Variants in VPS53 observed in about 807,000 individuals in gnomAD.
The protein encoded by VPS53 is VPS53 subunit of GARP complex.
VPS53 carries 70 observed loss-of-function variants against 107.0 expected under a neutral mutation model. That is an observed-to-expected ratio of 0.65 (90% CI 0.54 to 0.80). VPS53 has a LOEUF of 0.80. Among genes scored for constraint, VPS53 ranks in the 30% least tolerant of loss-of-function variants. VPS53 has a pLI of 0.00. For missense variants in VPS53, 917 were observed against 1,049.4 expected (o/e 0.87, Z 1.74); for synonymous variants, 409 against 393.3 (o/e 1.04, Z -0.47).
intron 11 of VPS53, among the ~76,000 whole-genome samples, chr17:617,208 T>G (rs914562383): frequency 6.6e-6 from 1 of 152,186 alleles, no homozygotes; most frequent in Non-Finnish European, 1.5e-5. Flanking sequence ...TGAACCCTCA[T>G]GCTTGTCGCC....
chr17:571,063 A>G (rs1224898656), intron 13 of VPS53, among the ~76,000 whole-genome samples: 2 of 152,140 alleles, frequency 1.3e-5, no homozygotes, highest in Admixed American at 6.5e-5. Context: ...TCACGTCTGT[A>G]ATCTCAACAC....
chr17:586,264 A>G lies in VPS53; in HGVS notation c.1313+6T>C. On this transcript the variant is annotated splice_donor_region_variant and intron_variant, in intron 13 of 21. Coordinates refer to ENST00000437048, the MANE Select transcript of VPS53 (RefSeq NM_001128159.3). ...AGGCAGAAAACAGCGAATGTTCCTC[A>G]CTCACTTGTCTTGGGATTCGATATA... 1 of 1,613,270 alleles carries G rather than the reference A, an allele frequency of 6.2e-7. No homozygotes were observed. The highest frequency in any genetic ancestry group is 8.5e-7 in the Non-Finnish European group (1 of 1,179,344).
Position 520,468 on chromosome 17 carries a change from C to G in VPS53, c.2224-538G>C, listed in dbSNP as rs963884373. 6.6e-6 allele frequency among the ~76,000 whole-genome samples: 1 copy of G among 152,204 alleles called. No homozygotes were observed. The highest frequency in any genetic ancestry group is 2.4e-5 in the African/African-American group (1 of 41,458). On this transcript the variant is annotated intron_variant, in intron 20 of 21. Transcript: ENST00000437048. This position sits in a 1 kb window ranked among gnomAD's most constrained non-coding sequence, Gnocchi z 4.4. ...TTCTGCAAAAACAAAAATGCCAAAGCTGCCTCACCTTTTGGAGACTTAAAA... is the reference window on the plus strand; with the variant it reads ...TTCTGCAAAAACAAAAATGCCAAAGGTGCCTCACCTTTTGGAGACTTAAAA...
At chr17:664,474 A>G (rs1971596626) in intron 4 of VPS53, among the ~76,000 whole-genome samples, 2 of 152,202 alleles carry the variant, frequency 1.3e-5, no homozygotes, top group Non-Finnish European at 2.9e-5. Context: ...GACAGACAGT[A>G]GGTGGTAGTG....
intron 19 of VPS53, among the ~76,000 whole-genome samples, chr17:529,571 A>T (rs1013442446): frequency 1.3e-5 from 2 of 152,232 alleles, no homozygotes; most frequent in Non-Finnish European, 2.9e-5. Context: ...GAGCAGGCTC[A>T]GAAAGACTCC....
intron 4 of VPS53, among the ~76,000 whole-genome samples, chr17:685,737 C>T (rs1472722633): frequency 6.6e-6 from 1 of 152,058 alleles, no homozygotes; most frequent in African/African-American, 2.4e-5. Flanking sequence ...TGGTGGCTTG[C>T]ACCTGTAATT....
At chr17:669,592 T>TAAAAAAA (rs200157618) in intron 4 of VPS53, among the ~76,000 whole-genome samples, 25 of 110,266 alleles carry the variant, frequency 2.3e-4, no homozygotes, top group South Asian at 7.1e-4. Context: ...TACTCTGTCT[T>TAAAAAAA]AAAAAAAAAA....
Position 560,362 on chromosome 17 carries a change from C to T in VPS53, c.1704+64G>A, listed in dbSNP as rs372695394. On this transcript the variant is annotated intron_variant, in intron 15 of 21. Coordinates refer to ENST00000437048, the MANE Select transcript of VPS53 (RefSeq NM_001128159.3). ...TGTTAGGACGTATATTCTTACTCGCCGAGCGACGCAGCCCAGAGGGTTCAG... is the reference window on the plus strand; with the variant it reads ...TGTTAGGACGTATATTCTTACTCGCTGAGCGACGCAGCCCAGAGGGTTCAG... 55 of 1,542,280 alleles carry T rather than the reference C, an allele frequency of 3.6e-5. No individual in the cohort carries two copies. The East Asian group carries it at 6.7e-4, about 19-fold the overall frequency.
At chr17:550,299 G>A (rs1287631263) in intron 17 of VPS53, among the ~76,000 whole-genome samples, 3 of 152,194 alleles carry the variant, frequency 2.0e-5, no homozygotes, top group Admixed American at 6.5e-5. Context: ...GTACTGGCCA[G>A]TATAACCTAG....
chr17:546,329 TCA>T (rs71371545), intron 17 of VPS53, among the ~76,000 whole-genome samples: 5,505 of 131,862 alleles, frequency 0.042, 123 homozygotes, highest in East Asian at 0.11. Context: ...CTTAGATATC[TCA>T]CACACACACA....
chr17:562,562 G>A lies in VPS53; in HGVS notation c.1497C>T (p.Thr499=). 1 of 1,614,044 alleles carries A rather than the reference G, an allele frequency of 6.2e-7. No individual in the cohort carries two copies. Among genetic ancestry groups the A allele is most frequent in the Non-Finnish European group, 8.5e-7 (1 of 1,180,002 alleles). ...STGEPMIALT[T]IFQKYLREYA... ...ATTCTCGGAGGTACTTCTGGAAAAT[G>A]GTGGTCAGGGCGATCATGGGCTCCC... The change falls in exon 14 of 22, where the codon ACC becomes ACT. Residue 499 remains threonine, a synonymous_variant. Transcript: ENST00000437048.
intron 7 of VPS53, among the ~76,000 whole-genome samples, chr17:650,350 A>C (rs1230046458): frequency 2.0e-5 from 3 of 152,074 alleles, no homozygotes; most frequent in Non-Finnish European, 2.9e-5. Flanking sequence ...GTTAAAAATC[A>C]GCCAGGCATG....
intron 12 of VPS53, among the ~76,000 whole-genome samples, chr17:586,862 T>C (rs545687707): frequency 7.0e-4 from 106 of 152,288 alleles, no homozygotes; most frequent in Non-Finnish European, 1.2e-3. Context: ...CCCCAACACA[T>C]ATGTAGACGT....
intron 2 of VPS53, among the ~76,000 whole-genome samples, chr17:704,421 A>G (rs1973324658): frequency 6.6e-6 from 1 of 152,238 alleles, no homozygotes; most frequent in Non-Finnish European, 1.5e-5. Flanking sequence ...AAATACTGAA[A>G]TCTACTTTAA....
At chr17:639,270 G>A (rs34711755) in intron 7 of VPS53, among the ~76,000 whole-genome samples, 21,500 of 152,208 alleles carry the variant, frequency 0.14, 1,936 homozygotes, top group South Asian at 0.23. Flanking sequence ...AGCTCCATTA[G>A]GTCATTTAAG....
At chr17:684,617 A>G (rs569580031) in intron 4 of VPS53, among the ~76,000 whole-genome samples, 3 of 152,340 alleles carry the variant, frequency 2.0e-5, no homozygotes, top group Admixed American at 1.3e-4. Context: ...AAAGATGTCA[A>G]TTCTCCTTCA....
chr17:519,391 G>C lies in VPS53; in HGVS notation c.2329-93C>G. The C allele has an allele frequency of 1.6e-6, 2 of 1,282,266 alleles. No homozygotes were observed. Among genetic ancestry groups the C allele is most frequent in the Non-Finnish European group, 2.1e-6 (2 of 968,424 alleles). The allele number at this position is 1,282,266 out of a possible 1,614,324, so 79.4% of individuals were successfully genotyped here. On this transcript the variant is annotated intron_variant, in intron 21 of 21. Transcript: ENST00000437048. This position sits in a 1 kb window ranked among gnomAD's most constrained non-coding sequence, Gnocchi z 5.0. ...GTATCTGGATATGGGGTCAGCAGAGGCTCTGGAGACAGCATAGTTACTCCA... is the reference window on the plus strand; with the variant it reads ...GTATCTGGATATGGGGTCAGCAGAGCCTCTGGAGACAGCATAGTTACTCCA...
chr17:557,334 C>A (rs1386704098), intron 15 of VPS53, among the ~76,000 whole-genome samples: 1 of 152,156 alleles, frequency 6.6e-6, no homozygotes, highest in Non-Finnish European at 1.5e-5. Context: ...GGACAACAGT[C>A]ATTAGATAAG....
At chr17:555,415 T>A (rs2151842796) in intron 15 of VPS53, among the ~76,000 whole-genome samples, 1 of 152,166 alleles carries the variant, frequency 6.6e-6, no homozygotes, top group African/African-American at 2.4e-5. Flanking sequence ...GCCATGCTGG[T>A]CTCAAACTCC....
Sources: gnomAD v4.1 joint callset for allele counts (sites outside exome capture counted in the v4.1 genomes callset) on GRCh38, gnomAD v4.1.1 for gene constraint, Gnocchi (gnomAD v3.1) non-coding constraint, MANE v1.5 for transcripts, NCBI Gene and HGNC (gene_info 2026-07-23, HGNC 2026-07-21) for gene names.